CACNB2: variants seen among roughly 807,000 people sequenced by gnomAD.
CACNB2 encodes voltage-dependent L-type calcium channel subunit beta-2.
CACNB2 carries 42 observed loss-of-function variants against 73.3 expected under a neutral mutation model. That is an observed-to-expected ratio of 0.57 (90% CI 0.45 to 0.74). The LOEUF (loss-of-function observed/expected upper bound fraction) is 0.74. CACNB2 is among the 30% of genes least tolerant of loss of function. The pLI is 0.00. For synonymous variants in CACNB2, 348 were observed against 310.3 expected, an observed-to-expected ratio of 1.12 and a Z score of -1.28; for missense variants, 940 against 853.0, an observed-to-expected ratio of 1.10 and a Z score of -1.27.
chr10:18,157,534 A>G (rs1441885302), intron 2 of CACNB2, among the ~76,000 whole-genome samples: 1 of 152,230 alleles, frequency 6.6e-6, no homozygotes, highest in Non-Finnish European at 1.5e-5. Context: ...AACCCGAATA[A>G]GAAATAGACT....
intron 2 of CACNB2, among the ~76,000 whole-genome samples, chr10:18,277,746 T>C (rs1436917966): frequency 2.0e-5 from 3 of 152,236 alleles, no homozygotes; most frequent in Non-Finnish European, 4.4e-5. Context: ...ATGTTATTCT[T>C]GGGGGATGTA....
chr10:18,490,255 C>G (rs1180147637), intron 3 of CACNB2, among the ~76,000 whole-genome samples: 1 of 152,230 alleles, frequency 6.6e-6, no homozygotes, highest in African/African-American at 2.4e-5. Context: ...TTTTGAGGAT[C>G]TGTTCGGCTT....
chr10:18,424,307 C>A (rs376170713), intron 3 of CACNB2, among the ~76,000 whole-genome samples: 7 of 152,334 alleles, frequency 4.6e-5, no homozygotes, highest in African/African-American at 1.7e-4. Flanking sequence ...CAGAGAGTAA[C>A]AGCTGAGGGG....
At chr10:18,336,541 C>A (rs1267884400) in intron 2 of CACNB2, among the ~76,000 whole-genome samples, 1 of 152,034 alleles carries the variant, frequency 6.6e-6, no homozygotes, top group East Asian at 1.9e-4. Context: ...ATTGCTTGAA[C>A]CTGGGAGGCG....
Position 18,202,078 on chromosome 10 carries a change from A to G in CACNB2, c.213+51103A>G, listed in dbSNP as rs919703321. The stretch of plus-strand genomic sequence containing the variant: ...TTTTACCAGCTCTGTGTTAATAGAC[A>G]GTTCCCTATTTTGGTGGTAGTTTGA... On this transcript the variant is annotated intron_variant, in intron 2 of 13. Transcript: ENST00000324631. Among the ~76,000 whole-genome samples, 3 of 152,334 alleles carry G rather than the reference A, an allele frequency of 2.0e-5. No individual in the cohort carries two copies. The East Asian group carries it at 5.8e-4, about 29-fold the overall frequency.
At chr10:18,146,199 T>A (rs1207151843) in intron 1 of CACNB2, among the ~76,000 whole-genome samples, 2 of 152,184 alleles carry the variant, frequency 1.3e-5, no homozygotes, top group Non-Finnish European at 2.9e-5. Flanking sequence ...ACATGATTTC[T>A]CTCTGGATAG....
intron 2 of CACNB2, among the ~76,000 whole-genome samples, chr10:18,240,322 A>G (rs1312379285): frequency 1.3e-5 from 2 of 152,156 alleles, no homozygotes; most frequent in East Asian, 1.9e-4. Flanking sequence ...TTCTTCCTGT[A>G]TAAAACTTGA....
chr10:18,411,773 G>A lies in CACNB2; in HGVS notation c.333+9730G>A, dbSNP rs893284068. Among the ~76,000 whole-genome samples, 41 of 152,190 alleles carry A rather than the reference G, an allele frequency of 2.7e-4. 2 individuals carry two copies. The highest frequency in any genetic ancestry group is 8.8e-5 in the Non-Finnish European group (6 of 68,038). ...TCTGCCTGCCTCGGCCTCCCAAAGT[G>A]CTGGAATTACAGGCGTGAGCCACTG... On this transcript the variant is annotated intron_variant, in intron 3 of 13. Transcript: ENST00000324631.
At chr10:18,221,070 G>A (rs557267527) in intron 2 of CACNB2, among the ~76,000 whole-genome samples, 1 of 152,196 alleles carries the variant, frequency 6.6e-6, no homozygotes, top group South Asian at 2.1e-4. Flanking sequence ...CTTTTCTGTA[G>A]TTAGAGAGGC....
At chr10:18,475,506 C>T (rs771077029) in intron 3 of CACNB2, among the ~76,000 whole-genome samples, 27 of 152,246 alleles carry the variant, frequency 1.8e-4, no homozygotes, top group Middle Eastern at 6.8e-3. Context: ...GTGTGCAGAT[C>T]AGATAAGCAT....
chr10:18,427,018 C>T (rs1352505615), intron 3 of CACNB2, among the ~76,000 whole-genome samples: 4 of 121,342 alleles, frequency 3.3e-5, no homozygotes, highest in African/African-American at 9.8e-5. Context: ...TGCAGTGGTG[C>T]GATCTCGGCT....
chr10:18,499,497 C>G (rs11014518), intron 4 of CACNB2, among the ~76,000 whole-genome samples: 2 of 151,904 alleles, frequency 1.3e-5, no homozygotes, highest in Non-Finnish European at 2.9e-5. Context: ...TGCCTGTAAT[C>G]TCAGCTACTC....
chr10:18,347,586 C>T (rs936453415), intron 2 of CACNB2, among the ~76,000 whole-genome samples: 2 of 150,708 alleles, frequency 1.3e-5, no homozygotes, highest in African/African-American at 4.9e-5. Flanking sequence ...ACAATGAAGG[C>T]AATAATTTTT....
chr10:18,202,373 A>G (rs1270230248), intron 2 of CACNB2, among the ~76,000 whole-genome samples: 1 of 152,150 alleles, frequency 6.6e-6, no homozygotes, highest in Non-Finnish European at 1.5e-5. Context: ...GAGTACATAT[A>G]CTGATCTTCT....
At chr10:18,150,491 C>A (rs2031415009) in intron 1 of CACNB2, among the ~76,000 whole-genome samples, 1 of 152,156 alleles carries the variant, frequency 6.6e-6, no homozygotes, top group Non-Finnish European at 1.5e-5. Context: ...TGGAGAAACC[C>A]TGTCTCTACT....
At chr10:18,146,981 A>G (rs2031055839) in intron 1 of CACNB2, among the ~76,000 whole-genome samples, 1 of 152,186 alleles carries the variant, frequency 6.6e-6, no homozygotes. Context: ...GAGAAGTGTC[A>G]CAATAACCAT....
rs1201914186 is a variant in CACNB2 at position 18,503,302 on chromosome 10, A to G, written c.593+2354A>G. On this transcript the variant is annotated intron_variant, in intron 5 of 13. Coordinates refer to ENST00000324631, the MANE Select transcript of CACNB2 (RefSeq NM_201596.3). ...TGAAAATGGTATCATAATACTAGCT[A>G]ATGAAACCTTATGGCCAAGCACGGT... is the stretch of plus-strand genomic sequence containing the variant. Among the ~76,000 whole-genome samples the G allele has an allele frequency of 2.0e-5, 3 of 152,268 alleles. No homozygotes were observed. In the East Asian group the frequency reaches 5.8e-4, roughly 29 times the overall value.
At chr10:18,449,227 A>G (rs1312863350) in intron 3 of CACNB2, among the ~76,000 whole-genome samples, 1 of 152,082 alleles carries the variant, frequency 6.6e-6, no homozygotes, top group African/African-American at 2.4e-5. Flanking sequence ...TACTAAAAAT[A>G]CAAAAAAATT....
intron 7 of CACNB2, among the ~76,000 whole-genome samples, chr10:18,515,473 T>C (rs1194226262): frequency 6.6e-6 from 1 of 152,178 alleles, no homozygotes; most frequent in African/African-American, 2.4e-5. Context: ...GCCCCCAAAC[T>C]CTCCACATAA....
Sources: gnomAD v4.1 joint callset for allele counts (sites outside exome capture counted in the v4.1 genomes callset) on GRCh38, gnomAD v4.1.1 for gene constraint, MANE v1.5 for transcripts, NCBI Gene and HGNC (gene_info 2026-07-23, HGNC 2026-07-21) for gene names.